PLEKHG1: variants seen among roughly 807,000 people sequenced by gnomAD.
PLEKHG1 encodes pleckstrin homology and RhoGEF domain containing G1.
In PLEKHG1, 44 loss-of-function variants were observed where a neutral mutation model predicts 100.8. The ratio of observed to expected loss-of-function variants is 0.44; its 90% CI spans 0.34 to 0.56. The LOEUF is 0.56. Ranked by LOEUF, PLEKHG1 falls within the 20% of genes least tolerant of loss-of-function variation. The probability of loss-of-function intolerance (pLI) is 0.01; values close to 1 mark genes in which losing one functional copy is unlikely to be tolerated. For missense variants in PLEKHG1, 1,545 were observed against 1,720.9 expected (o/e 0.90, Z 1.81); for synonymous variants, 640 against 662.5 (o/e 0.97, Z 0.52).
At chr6:150,732,111 G>A (rs147165421) in intron 1 of PLEKHG1, among the ~76,000 whole-genome samples, 9,805 of 151,872 alleles carry the variant, frequency 0.065, 456 homozygotes, top group East Asian at 0.17. Flanking sequence ...ACAGGCACCC[G>A]CCACCACGCC....
chr6:150,624,272 G>A lies in PLEKHG1; in HGVS notation c.-203-13808G>A, dbSNP rs145576977. On this transcript the variant is annotated intron_variant, in intron 1 of 3. Coordinates refer to the PLEKHG1 transcript ENST00000367326. ...GGGCCTTGGGGGTGCTGCTGCCTTC[G>A]CTCAGGGGCCCTCACACCCTGCCTA... Among the ~76,000 whole-genome samples, 600 of 152,200 alleles carry A rather than the reference G, an allele frequency of 3.9e-3. 5 individuals are homozygous for A. The highest frequency in any genetic ancestry group is 0.012 in the African/African-American group (519 of 41,528).
intron 3 of PLEKHG1, among the ~76,000 whole-genome samples, chr6:150,774,528 T>G (rs528985448): frequency 2.9e-5 from 4 of 139,052 alleles, no homozygotes; most frequent in African/African-American, 1.1e-4. Flanking sequence ...CTGATTAGTT[T>G]GAATTTTTTT....
chr6:150,785,018 C>A (rs1306038407), intron 3 of PLEKHG1, among the ~76,000 whole-genome samples: 2 of 148,850 alleles, frequency 1.3e-5, no homozygotes, highest in Admixed American at 6.8e-5. Flanking sequence ...CAGAGTGAGA[C>A]CCTGTCTCTA....
At chr6:150,721,935 C>T (rs1199837593) in intron 1 of PLEKHG1, among the ~76,000 whole-genome samples, 2 of 152,090 alleles carry the variant, frequency 1.3e-5, no homozygotes, top group Non-Finnish European at 2.9e-5. Context: ...ATTTAGATAT[C>T]TGACACCAAT....
intron 4 of PLEKHG1, among the ~76,000 whole-genome samples, chr6:150,788,158 T>C (rs1785745118): frequency 6.6e-6 from 1 of 152,244 alleles, no homozygotes. Context: ...CTCCCAAATC[T>C]TCCTTTTCAT....
chr6:150,641,134 A>G (rs927026193), intron 2 of PLEKHG1, among the ~76,000 whole-genome samples: 2 of 152,218 alleles, frequency 1.3e-5, no homozygotes, highest in African/African-American at 4.8e-5. Context: ...TAGTGAAGAT[A>G]TCTTGGCTGA....
intron 6 of PLEKHG1, 21 bp from the exon 8 acceptor site, chr6:150,804,587 ACC>A (rs35118684): frequency 2.7e-6 from 4 of 1,458,740 alleles, no homozygotes; most frequent in African/African-American, 1.5e-5. Flanking sequence ...AAAAAAAAAA[ACC>A]CTCGTTCTTT....
rs76333843 is a variant in PLEKHG1, at chr6:150,667,748, G to A, written c.-99+16962G>A. ...CTGCTAGAGAACTTTTAGAAAAGCT[G>A]AATTCAGAAGTCTGCAAATAAATGA... is the stretch of plus-strand genomic sequence containing the variant. On this transcript the variant is annotated intron_variant, in intron 3 of 3. Transcript: ENST00000367326. Among the ~76,000 whole-genome samples the A allele has an allele frequency of 6.7e-3, 1,028 of 152,314 alleles. 13 individuals carry two copies. The highest frequency in any genetic ancestry group is 0.023 in the African/African-American group (973 of 41,574).
intron 3 of PLEKHG1, among the ~76,000 whole-genome samples, chr6:150,702,664 T>C (rs9986520): frequency 0.15 from 22,966 of 151,562 alleles, 2,448 homozygotes; most frequent in African/African-American, 0.32. Flanking sequence ...GTGTAATCCC[T>C]TAACATGTAG....
chr6:150,640,849 G>A (rs115437937), intron 2 of PLEKHG1, among the ~76,000 whole-genome samples: 131 of 152,240 alleles, frequency 8.6e-4, no homozygotes, highest in African/African-American at 3.0e-3. Flanking sequence ...GAGAAATGGG[G>A]TCTCCTGTGG....
At chr6:150,715,288 C>T (rs750451491) in intron 3 of PLEKHG1, among the ~76,000 whole-genome samples, 1 of 151,802 alleles carries the variant, frequency 6.6e-6, no homozygotes, top group African/African-American at 2.4e-5. Flanking sequence ...TGATATTTTC[C>T]GGGTTTAGAG....
intron 2 of PLEKHG1, among the ~76,000 whole-genome samples, chr6:150,742,736 G>A (rs924413612): frequency 2.8e-4 from 43 of 152,158 alleles, no homozygotes; most frequent in African/African-American, 8.7e-4. Flanking sequence ...AGGTTTGGGC[G>A]GGGACACAGA....
intron 10 of PLEKHG1, among the ~76,000 whole-genome samples, chr6:150,817,733 T>C (rs1776057752): frequency 6.6e-6 from 1 of 151,962 alleles, no homozygotes; most frequent in African/African-American, 2.4e-5. Context: ...AATCTTTGTA[T>C]TTTTAGTAGA....
chr6:150,837,070 G>C (rs1198883592), intron 15 of PLEKHG1, among the ~76,000 whole-genome samples: 1 of 152,160 alleles, frequency 6.6e-6, no homozygotes, highest in Non-Finnish European at 1.5e-5. Context: ...GCTGAGGCAG[G>C]AGAATCACTT....
At chr6:150,690,926 C>G (rs977483189) in intron 3 of PLEKHG1, among the ~76,000 whole-genome samples, 1 of 152,170 alleles carries the variant, frequency 6.6e-6, no homozygotes, top group Admixed American at 6.5e-5. Flanking sequence ...GGCTGTGTTG[C>G]TCTTCCGCAA....
At chr6:150,685,661 G>C (rs1367062849) in intron 3 of PLEKHG1, among the ~76,000 whole-genome samples, 1 of 152,196 alleles carries the variant, frequency 6.6e-6, no homozygotes, top group African/African-American at 2.4e-5. Context: ...TTTTGGAAAG[G>C]TCAAAATAAT....
At chr6:150,686,565 A>G (rs2128591348) in intron 3 of PLEKHG1, among the ~76,000 whole-genome samples, 1 of 152,302 alleles carries the variant, frequency 6.6e-6, no homozygotes, top group Middle Eastern at 3.4e-3. Flanking sequence ...CATATAAAGG[A>G]GACTGTGCTT....
chr6:150,796,089 G>A (rs1786314281), intron 5 of PLEKHG1, among the ~76,000 whole-genome samples, 187 bp downstream of exon 6: 1 of 152,166 alleles, frequency 6.6e-6, no homozygotes, highest in Non-Finnish European at 1.5e-5. Flanking sequence ...TGGGCTTTGG[G>A]GCTCCCTGCA....
At chr6:150,832,918 C>A (rs1446114446) in intron 15 of PLEKHG1, among the ~76,000 whole-genome samples, 3 of 151,466 alleles carry the variant, frequency 2.0e-5, no homozygotes, top group South Asian at 4.2e-4. Flanking sequence ...CTCAAGCAAT[C>A]CTCTTGCCTC....
Sources: allele counts gnomAD v4.1 joint callset (sites outside exome capture counted in the v4.1 genomes callset), GRCh38; gene constraint gnomAD v4.1.1; transcripts MANE v1.5; gene names NCBI Gene and HGNC (gene_info 2026-07-23, HGNC 2026-07-21).